ADAM2: variants seen among roughly 807,000 people sequenced by gnomAD.
The protein encoded by ADAM2 is ADAM metallopeptidase domain 2, also known as disintegrin and metalloproteinase domain-containing protein 2.
Under a neutral mutation model 99.3 loss-of-function variants are expected in ADAM2, and 101 were observed. The ratio of observed to expected loss-of-function variants is 1.02; its 90% CI spans 0.87 to 1.20. The LOEUF (loss-of-function observed/expected upper bound fraction) is 1.20, where lower values mean the gene tolerates loss of function less well. Among genes scored for constraint, ADAM2 ranks in the 50% most tolerant of loss-of-function variants. ADAM2 has a pLI of 0.00. For missense variants in ADAM2, 948 were observed against 878.7 expected (o/e 1.08, Z -1.00); for synonymous variants, 323 against 287.6 (o/e 1.12, Z -1.25).
intron 7 of ADAM2, among the ~76,000 whole-genome samples, chr8:39,800,036 C>T (rs896192436): frequency 6.6e-6 from 1 of 152,102 alleles, no homozygotes; most frequent in African/African-American, 2.4e-5. Flanking sequence ...CTTAAGATTA[C>T]TATTGCTATG....
chr8:39,812,613 A>G (rs1396283044), intron 6 of ADAM2, among the ~76,000 whole-genome samples: 3 of 152,216 alleles, frequency 2.0e-5, no homozygotes, highest in Non-Finnish European at 4.4e-5. Flanking sequence ...GCCCTCAGAA[A>G]TAGTACCGCA....
chr8:39,766,978 A>C lies in ADAM2; in HGVS notation c.1377T>G (p.Asn459Lys), dbSNP rs1484248962. 6.2e-7 allele frequency: 1 copy of C among 1,614,082 alleles called. No individual in the cohort carries two copies. The highest frequency in any genetic ancestry group is 2.2e-5 in the East Asian group (1 of 44,884). The change falls in exon 14 of 21, where the codon AAT (asparagine) becomes AAG (lysine). Residue 459 changes from asparagine to lysine, a missense_variant. Physicochemically the swap from Asn to Lys is moderately conservative, Grantham distance 94 (BLOSUM62 0). Coordinates refer to ENST00000265708, the MANE Select transcript of ADAM2 (RefSeq NM_001464.5). ...TTTCTGGGCATGATGCAGATGATCC[A>C]TTGCAATATTCAGGGAGGTCGCATT... ...FEECDLPEYC[N>K]GSSASCPENH...
At chr8:39,805,040 A>G (rs1804380209) in intron 7 of ADAM2, among the ~76,000 whole-genome samples, 1 of 152,206 alleles carries the variant, frequency 6.6e-6, no homozygotes, top group South Asian at 2.1e-4. Context: ...AGATCAAGAC[A>G]CTGGTAGATT....
At chr8:39,820,510 T>C (rs149589003) in intron 6 of ADAM2, among the ~76,000 whole-genome samples, 40 of 152,268 alleles carry the variant, frequency 2.6e-4, no homozygotes, top group Middle Eastern at 3.4e-3. Context: ...TCCTAAATGC[T>C]GGTGAATCTT....
At chr8:39,811,219 C>A (rs1415515542) in intron 6 of ADAM2, among the ~76,000 whole-genome samples, 1 of 152,162 alleles carries the variant, frequency 6.6e-6, no homozygotes, top group African/African-American at 2.4e-5. Context: ...ACACATACAT[C>A]CTCCCAAGAC....
At chr8:39,823,850 T>C (rs1391459665) in intron 4 of ADAM2, among the ~76,000 whole-genome samples, 1 of 152,200 alleles carries the variant, frequency 6.6e-6, no homozygotes, top group Non-Finnish European at 1.5e-5. Flanking sequence ...TAACCATATC[T>C]ATTACTTCTT....
chr8:39,827,401 T>C (rs1805453306), intron 3 of ADAM2, among the ~76,000 whole-genome samples: 1 of 152,058 alleles, frequency 6.6e-6, no homozygotes, highest in Non-Finnish European at 1.5e-5. Flanking sequence ...CCAAAGCAAA[T>C]AAAATTAGTA....
intron 7 of ADAM2, among the ~76,000 whole-genome samples, chr8:39,800,589 A>C (rs1804163395): frequency 6.6e-6 from 1 of 152,134 alleles, no homozygotes; most frequent in Admixed American, 6.5e-5. Flanking sequence ...TAGGTTAAGG[A>C]AGTTCTCCTG....
At chr8:39,783,037 G>T (rs1803298732) in intron 10 of ADAM2, among the ~76,000 whole-genome samples, 1 of 151,746 alleles carries the variant, frequency 6.6e-6, no homozygotes, top group Non-Finnish European at 1.5e-5. Flanking sequence ...CTGCCTTTTT[G>T]GGATCCCATA....
intron 5 of ADAM2, 93 bp from the exon 6 acceptor site, chr8:39,821,263 G>T: frequency 1.1e-6 from 1 of 910,392 alleles, no homozygotes. Context: ...ATGGTATGCA[G>T]ATTATTTTTA....
intron 20 of ADAM2, 103 bp downstream of exon 20, chr8:39,744,727 A>G: frequency 1.4e-6 from 1 of 697,002 alleles, no homozygotes; most frequent in Non-Finnish European, 2.3e-6. Flanking sequence ...GGTGCAGCAA[A>G]CCACCATGGC....
At chr8:39,789,889 A>T (rs533811159) in intron 7 of ADAM2, among the ~76,000 whole-genome samples, 257 of 151,980 alleles carry the variant, frequency 1.7e-3, no homozygotes, top group African/African-American at 5.8e-3. Flanking sequence ...ATGTGAATAG[A>T]CATTTCTCCA....
chr8:39,795,347 A>G (rs952001915), intron 7 of ADAM2, among the ~76,000 whole-genome samples: 27 of 152,086 alleles, frequency 1.8e-4, no homozygotes, highest in African/African-American at 6.0e-4. Context: ...GCTTTTTAGA[A>G]TTCAGGAAAA....
In ADAM2 at chr8:39,745,298, C is replaced by G. The variant is rs183127990; in HGVS notation, c.2175-405G>C. On this transcript the variant is annotated intron_variant, in intron 19 of 20. Coordinates refer to ENST00000265708, the MANE Select transcript of ADAM2 (RefSeq NM_001464.5). ...ACAATAGTTATCCAATATAAGAAAACCACTTTAGTATATTTAAATAATGAC... is the reference window on the plus strand; with the variant it reads ...ACAATAGTTATCCAATATAAGAAAAGCACTTTAGTATATTTAAATAATGAC... Among the ~76,000 whole-genome samples, 340 of 152,190 alleles carry G rather than the reference C, an allele frequency of 2.2e-3. 2 individuals are homozygous for G. Among genetic ancestry groups the G allele is most frequent in the African/African-American group, 8.0e-3 (333 of 41,522 alleles).
intron 10 of ADAM2, among the ~76,000 whole-genome samples, chr8:39,779,027 T>A (rs1055145958): frequency 6.6e-6 from 1 of 152,050 alleles, no homozygotes. Context: ...TTCCTTCATG[T>A]TCAGTTGCTC....
intron 15 of ADAM2, 134 bp from the exon 16 acceptor site, chr8:39,756,045 C>CA (rs930360558): frequency 2.1e-5 from 10 of 485,200 alleles, no homozygotes; most frequent in East Asian, 1.4e-4. Context: ...TTTAAAACAC[C>CA]AAAAAAAGAG....
intron 6 of ADAM2, among the ~76,000 whole-genome samples, chr8:39,813,524 T>C (rs1290295602): frequency 6.6e-6 from 1 of 152,176 alleles, no homozygotes; most frequent in Non-Finnish European, 1.5e-5. Flanking sequence ...CCAACCCAAA[T>C]GTCCATCAAT....
intron 12 of ADAM2, 72 bp from the exon 13 acceptor site, chr8:39,767,323 A>T: frequency 5.5e-6 from 7 of 1,278,732 alleles, no homozygotes; most frequent in Non-Finnish European, 7.8e-6. Flanking sequence ...GTTCATAAAG[A>T]CAACATATTA....
At chr8:39,794,890 G>A (rs746128086) in intron 7 of ADAM2, among the ~76,000 whole-genome samples, 2 of 151,996 alleles carry the variant, frequency 1.3e-5, no homozygotes, top group African/African-American at 2.4e-5. Flanking sequence ...GGCTTGTCCT[G>A]CTACCAAAAT....
Sources: gnomAD v4.1 joint callset for allele counts (sites outside exome capture counted in the v4.1 genomes callset) on GRCh38, gnomAD v4.1.1 for gene constraint, MANE v1.5 for transcripts, NCBI Gene and HGNC (gene_info 2026-07-23, HGNC 2026-07-21) for gene names.